Variants in PAX3 observed in about 807,000 individuals in gnomAD.
The protein encoded by PAX3 is paired box 3.
Under a neutral mutation model 51.6 loss-of-function variants are expected in PAX3, and 14 were observed. The ratio of observed to expected loss-of-function variants is 0.27; its 90% confidence interval spans 0.18 to 0.42. The LOEUF is 0.42. PAX3 is among the 10% of genes least tolerant of loss of function. The pLI is 1.00. For missense variants in PAX3, 540 were observed against 642.8 expected, an observed-to-expected ratio of 0.84 and a Z score of 1.73; for synonymous variants, 280 against 253.4, an observed-to-expected ratio of 1.11 and a Z score of -1.00.
chr2:222,254,580 A>G (rs1459290502), intron 4 of PAX3, among the ~76,000 whole-genome samples: 1 of 152,164 alleles, frequency 6.6e-6, no homozygotes, highest in African/African-American at 2.4e-5. Flanking sequence ...TCAGTGTCAT[A>G]ATTACTTAGG....
intron 4 of PAX3, chr2:222,262,835 C>G (rs1414495091): frequency 2.0e-5 from 3 of 152,034 alleles, no homozygotes; most frequent in Non-Finnish European, 4.4e-5. Context: ...AAAATATGGA[C>G]AGTCAATTTT....
At chr2:222,286,545 A>T (rs1372083725) in intron 4 of PAX3, among the ~76,000 whole-genome samples, 1 of 152,240 alleles carries the variant, frequency 6.6e-6, no homozygotes, top group African/African-American at 2.4e-5. Flanking sequence ...TTTACCACAA[A>T]GTGGAGGTGT....
intron 7 of PAX3, among the ~76,000 whole-genome samples, chr2:222,212,386 T>G (rs1464248397): frequency 6.6e-6 from 1 of 152,100 alleles, no homozygotes; most frequent in Non-Finnish European, 1.5e-5. Flanking sequence ...AAATATTCCC[T>G]TCAATGTAGA....
In PAX3 at chr2:222,202,113, C is replaced by T; in HGVS notation, c.1251G>A (p.Gly417=). The change falls in exon 8 of 9, where the codon GGG becomes GGA. Residue 417 remains glycine (G), a synonymous_variant. Transcript: ENST00000392070. ...QTDYALSPLT[G]GLEPTTTVSA... Reference sequence around the variant, plus strand: ...ACACCGTGGTGGTAGGTTCCAGACCCCCGGTGAGAGGGGAGAGCGCGTAAT... The same window carrying T: ...ACACCGTGGTGGTAGGTTCCAGACCTCCGGTGAGAGGGGAGAGCGCGTAAT... 6.2e-7 allele frequency: 1 copy of T among 1,613,792 alleles called. No homozygotes were observed. The highest frequency in any genetic ancestry group is 8.5e-7 in the Non-Finnish European group (1 of 1,179,934).
At chr2:222,214,596 G>A (rs1691878594) in intron 7 of PAX3, 2 of 152,036 alleles carry the variant, frequency 1.3e-5, no homozygotes, top group Non-Finnish European at 2.9e-5. Context: ...ACAAGTCTGT[G>A]ATGATTCAGC....
rs775317769 is a variant in PAX3, at chr2:222,294,266, C to G, written c.487G>C (p.Gly163Arg). 3.7e-6 allele frequency: 6 copies of G among 1,614,220 alleles called. No individual in the cohort carries two copies. The highest frequency in any genetic ancestry group is 2.2e-5 in the East Asian group (1 of 44,888). Residue 163 changes from glycine (G) to arginine (R), a missense_variant, in exon 4 of 9, where the codon GGG becomes CGG. By Grantham distance (125) the Gly-to-Arg change is moderately radical. Around this residue, in one of 3 missense-constraint regions of PAX3, gnomAD observed 427 missense variants for 483.6 expected, o/e 0.88. Coordinates refer to ENST00000392070, the MANE Select transcript of PAX3 (RefSeq NM_181458.4). ...TCGGCCTCCTCCTCTTCACCTTTCC[C>G]GAATTTACTTCTCAGGATGCGGCTG... The part of the protein sequence containing the change: ...SISRILRSKF[G>R]KGEEEEADLE...
In PAX3 at chr2:222,291,969, GGTGTGTGTGTGTGTGTGT is replaced by G. The variant is rs3997675; in HGVS notation, c.586+2180_586+2197del. ...AATTAAATCAGGCTTCAGCCTCCAA[GGTGTGTGTGTGTGTGTGT>G]GTGTGTGTGTGTGTGTGTGTGTGTG... On this transcript the variant is annotated intron_variant, in intron 4 of 8. Transcript: ENST00000392070. Among the ~76,000 whole-genome samples, 78 of 133,728 alleles carry G rather than the reference GGTGTGTGTGTGTGTGTGT, an allele frequency of 5.8e-4. 1 individual carries two copies. The highest frequency in any genetic ancestry group is 1.9e-3 in the South Asian group (7 of 3,604). The allele number at this position is 133,728 out of a possible 152,430, so 87.7% of individuals were successfully genotyped here.
intron 4 of PAX3, among the ~76,000 whole-genome samples, chr2:222,278,475 A>C (rs2106170132): frequency 6.6e-6 from 1 of 152,358 alleles, no homozygotes; most frequent in South Asian, 2.1e-4. Context: ...TGAGCCCCAC[A>C]GTTCCTTCCT....
At chr2:222,253,677 A>G (rs1182986109) in intron 4 of PAX3, among the ~76,000 whole-genome samples, 1 of 151,792 alleles carries the variant, frequency 6.6e-6, no homozygotes, top group Non-Finnish European at 1.5e-5. Context: ...GAGACAGAAG[A>G]AAAGAGCCTG....
Position 222,220,259 on chromosome 2 carries a change from A to G in PAX3, c.1054T>C (p.Ser352Pro), listed in dbSNP as rs1266309070. ...CTGGTGCTGGGGAGGCAGTAGGCAG[A>G]GCTGCTGTCTGGGTTGGAAGGAATC... ...STIPSNPDSS[S>P]AYCLPSTRHG... The change falls in exon 7 of 9, where the codon TCT becomes CCT. Residue 352 changes from serine to proline, a missense_variant. Ser to Pro is a moderately conservative substitution (Grantham distance 74). This residue lies in a region of PAX3 where 427 missense variants were observed against 483.6 expected (regional missense o/e 0.88). Coordinates refer to ENST00000392070, the MANE Select transcript of PAX3 (RefSeq NM_181458.4). 3.7e-6 allele frequency: 6 copies of G among 1,613,920 alleles called. No individual in the cohort carries two copies. Among genetic ancestry groups the G allele is most frequent in the East Asian group, 2.2e-5 (1 of 44,860 alleles).
At chr2:222,220,094 G>A in intron 7 of PAX3, 46 bp downstream of exon 7, 1 of 1,506,082 alleles carries the variant, frequency 6.6e-7, no homozygotes, top group Non-Finnish European at 9.2e-7. Context: ...TTGAATATTT[G>A]GTTCTGGTAT....
chr2:222,206,287 T>C (rs1230809361), intron 7 of PAX3, among the ~76,000 whole-genome samples: 1 of 152,082 alleles, frequency 6.6e-6, no homozygotes, highest in Non-Finnish European at 1.5e-5. Flanking sequence ...ATCCAGGAGA[T>C]GCAATGACCA....
chr2:222,232,328 A>T, intron 4 of PAX3, 45 bp from the exon 5 acceptor site: 2 of 1,550,632 alleles, frequency 1.3e-6, no homozygotes, highest in Non-Finnish European at 1.8e-6. Flanking sequence ...TGAATCAAAA[A>T]AATAAAACTG....
chr2:222,221,168 C>G, intron 6 of PAX3, 54 bp downstream of exon 6: 1 of 1,538,360 alleles, frequency 6.5e-7, no homozygotes, highest in Non-Finnish European at 9.0e-7. Context: ...AAAATATCCA[C>G]CAGAGAAATC....
chr2:222,287,702 A>G (rs1057098282), intron 4 of PAX3, among the ~76,000 whole-genome samples: 1 of 152,228 alleles, frequency 6.6e-6, no homozygotes, highest in Admixed American at 6.5e-5. Flanking sequence ...GTTGTTCTAC[A>G]CTGCAATGTT....
At chr2:222,266,797 C>T (rs1428572345) in intron 4 of PAX3, among the ~76,000 whole-genome samples, 1 of 152,176 alleles carries the variant, frequency 6.6e-6, no homozygotes, top group Non-Finnish European at 1.5e-5. Context: ...CCACTGAAAC[C>T]ATGAGATCCC....
intron 7 of PAX3, among the ~76,000 whole-genome samples, chr2:222,211,081 G>A (rs577992937): frequency 6.2e-4 from 95 of 152,146 alleles, no homozygotes; most frequent in African/African-American, 2.2e-3. Context: ...TGCCTAGGTT[G>A]GTCTCAAACT....
At chr2:222,250,074 T>C (rs1485157224) in intron 4 of PAX3, among the ~76,000 whole-genome samples, 1 of 152,090 alleles carries the variant, frequency 6.6e-6, no homozygotes, top group Non-Finnish European at 1.5e-5. Context: ...GTCCTACCCT[T>C]AAAGAAATGT....
At chr2:222,263,128 T>C (rs556239575) in intron 4 of PAX3, 3 of 152,024 alleles carry the variant, frequency 2.0e-5, no homozygotes, top group Non-Finnish European at 4.4e-5. Context: ...TTCATCAAAA[T>C]AAAACTTTCA....
Sources: gnomAD v4.1 joint callset for allele counts (sites outside exome capture counted in the v4.1 genomes callset) on GRCh38, gnomAD v4.1.1 for gene constraint, gnomAD v4.1.1 regional missense constraint, MANE v1.5 for transcripts, NCBI Gene and HGNC (gene_info 2026-07-23, HGNC 2026-07-21) for gene names.